Variants in ELAPOR2 observed in about 807,000 individuals in gnomAD.
ELAPOR2 encodes the protein endosome/lysosome-associated apoptosis and autophagy regulator family member 2.
In ELAPOR2, 89 loss-of-function variants were observed where a neutral mutation model predicts 120.7. The observed-to-expected ratio is 0.74, with a 90% confidence interval of 0.62 to 0.88. The LOEUF (loss-of-function observed/expected upper bound fraction) is 0.88, where lower values mean the gene tolerates loss of function less well. Ranked by LOEUF, ELAPOR2 falls within the 40% of genes least tolerant of loss-of-function variation. The pLI is 0.00. For synonymous variants in ELAPOR2, 444 were observed against 444.9 expected (o/e 1.00, Z 0.03); for missense variants, 1,134 against 1,251.6 (o/e 0.91, Z 1.42).
intron 1 of ELAPOR2, among the ~76,000 whole-genome samples, chr7:87,003,943 G>A (rs1400444483): frequency 6.6e-6 from 1 of 152,132 alleles, no homozygotes; most frequent in Non-Finnish European, 1.5e-5. Flanking sequence ...ACTTCGCTTA[G>A]CTGCTGTGAG....
chr7:86,941,055 T>A (rs1790777413), intron 5 of ELAPOR2, among the ~76,000 whole-genome samples: 1 of 152,080 alleles, frequency 6.6e-6, no homozygotes, highest in Non-Finnish European at 1.5e-5. Flanking sequence ...GGGTATGTTG[T>A]ATTAATCACC....
At chr7:86,974,662 T>C (rs1055484285) in intron 1 of ELAPOR2, among the ~76,000 whole-genome samples, 3 of 150,132 alleles carry the variant, frequency 2.0e-5, no homozygotes, top group Non-Finnish European at 3.0e-5. Context: ...TACCAAAAGA[T>C]TGACAGTAGT....
intron 7 of ELAPOR2, among the ~76,000 whole-genome samples, chr7:86,938,449 A>T (rs1435905244): frequency 1.3e-5 from 2 of 152,206 alleles, no homozygotes; most frequent in East Asian, 3.9e-4. Context: ...CCCAGAAGAT[A>T]TTAGATTTCT....
At chr7:87,026,942 T>G (rs1275879129) in intron 1 of ELAPOR2, among the ~76,000 whole-genome samples, 2 of 152,110 alleles carry the variant, frequency 1.3e-5, no homozygotes, top group Non-Finnish European at 2.9e-5. Flanking sequence ...AACATTTACT[T>G]GGATCGTACA....
At chr7:86,913,525 A>G (rs1789422142) in intron 13 of ELAPOR2, among the ~76,000 whole-genome samples, 1 of 152,196 alleles carries the variant, frequency 6.6e-6, no homozygotes, top group South Asian at 2.1e-4. Context: ...AGAGAGGAAC[A>G]GTTTTTATCT....
intron 2 of ELAPOR2, among the ~76,000 whole-genome samples, chr7:86,955,439 A>G (rs1791432810): frequency 6.6e-6 from 1 of 152,064 alleles, no homozygotes; most frequent in Non-Finnish European, 1.5e-5. Flanking sequence ...ACAAGGCAAC[A>G]ATGAAAGCTG....
At chr7:86,905,225 GAGA>G (rs1051821709) in intron 18 of ELAPOR2, among the ~76,000 whole-genome samples, 249 of 149,672 alleles carry the variant, frequency 1.7e-3, no homozygotes, top group Middle Eastern at 6.9e-3. Context: ...AGGAAGAGAA[GAGA>G]AGAAGTCCTC....
At chr7:86,960,614 A>G (rs1791665364) in intron 2 of ELAPOR2, among the ~76,000 whole-genome samples, 1 of 152,102 alleles carries the variant, frequency 6.6e-6, no homozygotes, top group Admixed American at 6.5e-5. Context: ...AGGATATTTA[A>G]TTCTCCTACT....
chr7:86,883,023 GGTGTGTGTGTGTGTGTGT>G (rs55859925), intron 21 of ELAPOR2, among the ~76,000 whole-genome samples: 5 of 141,452 alleles, frequency 3.5e-5, no homozygotes, highest in South Asian at 2.3e-4. Context: ...GTTTGAAAGG[GGTGTGTGTGTGTGTGTGT>G]GTGTGTGTGT....
intron 1 of ELAPOR2, among the ~76,000 whole-genome samples, chr7:86,989,779 GAT>G (rs541713482): frequency 9.2e-5 from 14 of 151,788 alleles, no homozygotes; most frequent in Non-Finnish European, 1.3e-4. Flanking sequence ...ATATAATAAA[GAT>G]ACAAATTTTT....
chr7:87,044,546 C>G (rs1313561215), intron 1 of ELAPOR2, among the ~76,000 whole-genome samples: 1 of 146,936 alleles, frequency 6.8e-6, no homozygotes, highest in East Asian at 2.0e-4. Flanking sequence ...GGAAAACTGG[C>G]TAGCCATATG....
In ELAPOR2 at chr7:86,877,312, C is replaced by T. The variant is rs924537644; in HGVS notation, c.*3159G>A. 2.6e-5 allele frequency: 4 copies of T among 152,038 alleles called. No homozygotes were observed. The highest frequency in any genetic ancestry group is 4.2e-4 in the South Asian group (2 of 4,814). 9.4% of individuals were successfully genotyped at this position (152,038 alleles called of 1,614,324 possible). A position where few individuals can be genotyped will look rare whatever the true frequency, so the allele number is the denominator to read the frequency against. On this transcript the variant is annotated 3_prime_UTR_variant, in exon 22 of 22. Coordinates refer to ENST00000450689, the MANE Select transcript of ELAPOR2 (RefSeq NM_001142749.3). ...CCATTTTAGCTTCCAACGAATGAGT[C>T]GGGTGTTGAGATTTCTAAAAGTTTA...
intron 18 of ELAPOR2, among the ~76,000 whole-genome samples, chr7:86,901,817 C>T (rs1788740051): frequency 6.6e-6 from 1 of 152,156 alleles, no homozygotes; most frequent in Non-Finnish European, 1.5e-5. Flanking sequence ...TAATTCCTCT[C>T]ACCTTTGGCA....
chr7:86,907,744 A>G lies in ELAPOR2; in HGVS notation c.2484T>C (p.Ile828=). 1 of 1,573,638 alleles carries G rather than the reference A, an allele frequency of 6.4e-7. No individual in the cohort carries two copies. Among genetic ancestry groups the G allele is most frequent in the Non-Finnish European group, 8.6e-7 (1 of 1,166,832 alleles). The change falls in exon 18 of 22, where the codon ATT becomes ATC. Residue 828 remains isoleucine, a synonymous_variant. Coordinates refer to ENST00000450689, the MANE Select transcript of ELAPOR2 (RefSeq NM_001142749.3). ...YKSSTATTSC[I]NGRSTAVKMR... is the part of the protein sequence containing the mutation. ...TTTTCACAGCAGTTGATCGGCCATT[A>G]ATACAAGATGTTGTTGCTGTAGAAG...
chr7:86,884,633 T>C (rs1016519065), intron 21 of ELAPOR2, among the ~76,000 whole-genome samples: 1 of 152,104 alleles, frequency 6.6e-6, no homozygotes, highest in Non-Finnish European at 1.5e-5. Flanking sequence ...TTCATCCTGG[T>C]AGGCAAAGGA....
Position 86,919,203 on chromosome 7 carries a change from A to G in ELAPOR2, c.1490+17T>C. 1 of 1,561,464 alleles carries G rather than the reference A, an allele frequency of 6.4e-7. No individual in the cohort carries two copies. The highest frequency in any genetic ancestry group is 8.8e-7 in the Non-Finnish European group (1 of 1,133,608). ...GTAAGGATTCTTACAGAAAAGAATT[A>G]GAATTGTTTTCCTTACTTAAATCCT... On this transcript the variant is annotated intron_variant, in intron 11 of 21. Transcript: ENST00000450689.
intron 1 of ELAPOR2, among the ~76,000 whole-genome samples, chr7:86,988,373 C>G (rs1247318741): frequency 7.3e-6 from 1 of 136,178 alleles, no homozygotes; most frequent in African/African-American, 3.0e-5. Flanking sequence ...TTAAAAATAA[C>G]AATTCCACAG....
At chr7:86,930,124 AATTTAAC>A (rs1339764330) in intron 8 of ELAPOR2, among the ~76,000 whole-genome samples, 11 of 152,108 alleles carry the variant, frequency 7.2e-5, no homozygotes, top group African/African-American at 2.4e-4. Flanking sequence ...ACACCATGGA[AATTTAAC>A]ATTTTACTGG....
At chr7:86,953,774 A>T (rs566844483) in intron 2 of ELAPOR2, among the ~76,000 whole-genome samples, 1 of 152,316 alleles carries the variant, frequency 6.6e-6, no homozygotes, top group Non-Finnish European at 1.5e-5. Flanking sequence ...GCAAACTCCA[A>T]AGTTTTTAAT....
Sources: gnomAD v4.1 joint callset for allele counts (sites outside exome capture counted in the v4.1 genomes callset) on GRCh38, gnomAD v4.1.1 for gene constraint, MANE v1.5 for transcripts, NCBI Gene and HGNC (gene_info 2026-07-23, HGNC 2026-07-21) for gene names.